SETD1B: variants seen among roughly 807,000 people sequenced by gnomAD.
The protein encoded by SETD1B is SET domain containing 1B, histone lysine methyltransferase.
In SETD1B, 7 loss-of-function variants were observed where a neutral mutation model predicts 148.0. That is an observed-to-expected ratio of 0.05 (90% CI 0.03 to 0.09). The LOEUF (loss-of-function observed/expected upper bound fraction) is 0.09, where lower values mean the gene tolerates loss of function less well. Among genes scored for constraint, SETD1B ranks in the 10% least tolerant of loss-of-function variants. The pLI, the probability that SETD1B is intolerant of heterozygous loss-of-function variation, is 1.00. For synonymous variants in SETD1B, 1,361 were observed against 1,186.5 expected (o/e 1.15, Z -3.02); for missense variants, 2,155 against 2,729.9 (o/e 0.79, Z 4.69).
intron 11 of SETD1B, among the ~76,000 whole-genome samples, chr12:121,822,051 A>G (rs1396044504): frequency 6.6e-6 from 1 of 152,166 alleles, no homozygotes; most frequent in Non-Finnish European, 1.5e-5. Flanking sequence ...ACTGCATTCC[A>G]CCCGTCTCAA....
chr12:121,801,460 T>C (rs1321849015), upstream of SETD1B: 2 of 152,554 alleles, frequency 1.3e-5, no homozygotes, highest in East Asian at 3.9e-4. Flanking sequence ...CCAAATACAA[T>C]GCTCCAGAAT....
rs1170148245 is a variant in SETD1B, at chr12:121,804,712, G to C, written c.-14-12G>C. 1.3e-6 allele frequency: 2 copies of C among 1,546,274 alleles called. No individual in the cohort carries two copies. Among genetic ancestry groups the C allele is most frequent in the Non-Finnish European group, 1.7e-6 (2 of 1,145,788 alleles). On this transcript the variant is annotated splice_polypyrimidine_tract_variant and intron_variant, in intron 1 of 16. Transcript: ENST00000604567. The surrounding 1 kb of genome is among the most constrained non-coding windows in gnomAD (Gnocchi z 4.6). ...GCCGCGGCGGAGACGACAACAACTTGCTGGTTTTCAGGTTGGGTTAACGGC... is the reference window on the plus strand; with the variant it reads ...GCCGCGGCGGAGACGACAACAACTTCCTGGTTTTCAGGTTGGGTTAACGGC...
the SETD1B span, among the ~76,000 whole-genome samples, chr12:121,796,749 CATT>C: frequency 2.0e-5 from 3 of 152,224 alleles, no homozygotes; most frequent in Non-Finnish European, 2.9e-5. Flanking sequence ...CAGCTCAAAA[CATT>C]ATTGTCCGGC....
chr12:121,825,134 G>A, intron 12 of SETD1B, 66 bp from the exon 13 acceptor site: 1 of 1,483,948 alleles, frequency 6.7e-7, no homozygotes, highest in Non-Finnish European at 9.1e-7. Flanking sequence ...GGATGGGCGG[G>A]ACCAGTCTAT....
chr12:121,814,672 C>T lies in SETD1B; in HGVS notation c.2457C>T (p.Gly819=), dbSNP rs895962163. The change falls in exon 7 of 17, where the codon GGC becomes GGT. Residue 819 remains glycine, a synonymous_variant. Transcript: ENST00000604567. ...LQFVNLPPYR[G]PFSLSNSGPG... The stretch of plus-strand genomic sequence containing the variant: ...TTGTCAACCTGCCGCCCTACCGGGG[C>T]CCCTTCTCCCTGAGCAACTCCGGCC... The T allele has an allele frequency of 2.1e-5, 33 of 1,549,778 alleles. 2 individuals are homozygous for T. Among genetic ancestry groups the T allele is most frequent in the Non-Finnish European group, 4.4e-6 (5 of 1,146,758 alleles).
intron 6 of SETD1B, among the ~76,000 whole-genome samples, chr12:121,811,682 C>A (rs1025655545): frequency 1.3e-5 from 2 of 152,156 alleles, no homozygotes; most frequent in Non-Finnish European, 2.9e-5. Flanking sequence ...CATGGGCAGT[C>A]AGGGGCTTAG....
chr12:121,802,002 C>G (rs1279549132), upstream of SETD1B: 10 of 152,250 alleles, frequency 6.6e-5, no homozygotes, highest in East Asian at 9.6e-4. Context: ...GCTTTAGTCT[C>G]TCTACACAAA....
intron 12 of SETD1B, among the ~76,000 whole-genome samples, chr12:121,824,462 C>T (rs1198712433): frequency 6.6e-6 from 1 of 152,182 alleles, no homozygotes; most frequent in Non-Finnish European, 1.5e-5. Context: ...GCCTGGCCAA[C>T]ATGGCAAAAC....
rs762969670 is a variant in SETD1B, at chr12:121,827,868, G to A, written c.5589+14G>A. 4.5e-6 allele frequency: 7 copies of A among 1,554,244 alleles called. No homozygotes were observed. Among genetic ancestry groups the A allele is most frequent in the Non-Finnish European group, 6.1e-6 (7 of 1,148,276 alleles). On this transcript the variant is annotated intron_variant, in intron 15 of 16. Transcript: ENST00000604567. Reference sequence around the variant, plus strand: ...AATATCCGTCAGGTAGGCACCGCCCGGCAGGATGGGCACCGGGGTGGGCAT... The same window carrying A: ...AATATCCGTCAGGTAGGCACCGCCCAGCAGGATGGGCACCGGGGTGGGCAT...
In SETD1B at chr12:121,808,772, A is replaced by C. The variant is rs571214366; in HGVS notation, c.657+452A>C. Among the ~76,000 whole-genome samples, 1 of 152,362 alleles carries C rather than the reference A, an allele frequency of 6.6e-6. No homozygotes were observed. Among genetic ancestry groups the C allele is most frequent in the East Asian group, 1.9e-4 (1 of 5,186 alleles). On this transcript the variant is annotated intron_variant, in intron 5 of 16. Transcript: ENST00000604567. The surrounding 1 kb of genome is among the most constrained non-coding windows in gnomAD (Gnocchi z 5.3). ...GACTCCTTCCAAACCACTGCCTTCCAGGACACAGGGACAACTCTCGCGTGG... is the reference window on the plus strand; with the variant it reads ...GACTCCTTCCAAACCACTGCCTTCCCGGACACAGGGACAACTCTCGCGTGG...
the SETD1B span, among the ~76,000 whole-genome samples, chr12:121,796,843 A>G: frequency 6.6e-6 from 1 of 152,176 alleles, no homozygotes; most frequent in Non-Finnish European, 1.5e-5. Flanking sequence ...GTTTGAGACC[A>G]GCCTGACCAA....
chr12:121,796,219 C>T, the SETD1B span: 2 of 152,682 alleles, frequency 1.3e-5, no homozygotes, highest in Non-Finnish European at 2.9e-5. Context: ...CTGAGTCACT[C>T]CCCCTTCCAG....
intron 13 of SETD1B, among the ~76,000 whole-genome samples, chr12:121,825,999 C>T (rs550088482): frequency 2.6e-5 from 4 of 152,036 alleles, no homozygotes; most frequent in African/African-American, 4.8e-5. Flanking sequence ...TGCTGTGTAC[C>T]GGGCACTGTT....
Position 121,810,878 on chromosome 12 carries a change from A to G in SETD1B, c.1890+43A>G. The G allele has an allele frequency of 1.4e-6, 2 of 1,450,700 alleles. No individual in the cohort carries two copies. Among genetic ancestry groups the G allele is most frequent in the South Asian group, 1.5e-5 (1 of 68,518 alleles). 89.9% of individuals were successfully genotyped at this position (1,450,700 alleles called of 1,614,324 possible). ...CATCTGTCTGGGACTGGTTTTGTCTATCTTGTATCTCCCTTTCCCCCTTCA... is the reference window on the plus strand; with the variant it reads ...CATCTGTCTGGGACTGGTTTTGTCTGTCTTGTATCTCCCTTTCCCCCTTCA... On this transcript the variant is annotated intron_variant, in intron 6 of 16. Coordinates refer to ENST00000604567, the MANE Select transcript of SETD1B (RefSeq NM_001353345.2). This position sits in a 1 kb window ranked among gnomAD's most constrained non-coding sequence, Gnocchi z 7.6.
At chr12:121,815,263 A>G (rs1388290630) in intron 7 of SETD1B, among the ~76,000 whole-genome samples, 1 of 152,200 alleles carries the variant, frequency 6.6e-6, no homozygotes, top group Admixed American at 6.5e-5. Flanking sequence ...CCCATCTCTA[A>G]AAATAAATGT....
chr12:121,813,427 TGA>T (rs1876135953), intron 6 of SETD1B, among the ~76,000 whole-genome samples: 1 of 152,250 alleles, frequency 6.6e-6, no homozygotes, highest in African/African-American at 2.4e-5. Context: ...GCAGGGTGAC[TGA>T]GAGCACAGGC....
chr12:121,805,681 CAA>C lies in SETD1B; in HGVS notation c.274-147_274-146del, dbSNP rs1392021905. Among the ~76,000 whole-genome samples, 1 of 71,960 alleles carries C rather than the reference CAA, an allele frequency of 1.4e-5. No individual in the cohort carries two copies. The highest frequency in any genetic ancestry group is 4.3e-5 in the African/African-American group (1 of 23,134). The allele number at this position is 71,960 out of a possible 152,430, so 47.2% of individuals were successfully genotyped here. On this transcript the variant is annotated intron_variant, in intron 3 of 16. Coordinates refer to ENST00000604567, the MANE Select transcript of SETD1B (RefSeq NM_001353345.2). This position sits in a 1 kb window ranked among gnomAD's most constrained non-coding sequence, Gnocchi z 4.2. ...CCCGCCCGCGTGCATTTTTTTTTTC[CAA>C]AAAAAATTTTTTTTTTTTTTTTAAT...
In SETD1B at chr12:121,828,388, A is replaced by G. The variant is rs115098366; in HGVS notation, c.5727+318A>G. On this transcript the variant is annotated intron_variant, in intron 16 of 16. Coordinates refer to ENST00000604567, the MANE Select transcript of SETD1B (RefSeq NM_001353345.2). Reference sequence around the variant, plus strand: ...GCGTTAGCCTTTTCTCCGTGCCTTCATTGGTCAGGCTCAGTCCTGCTCGGG... The same window carrying G: ...GCGTTAGCCTTTTCTCCGTGCCTTCGTTGGTCAGGCTCAGTCCTGCTCGGG... Among the ~76,000 whole-genome samples the G allele has an allele frequency of 5.3e-3, 806 of 152,292 alleles. 6 individuals are homozygous for G. The highest frequency in any genetic ancestry group is 0.018 in the African/African-American group (740 of 41,560).
In SETD1B at chr12:121,819,873, A is replaced by C. The variant is rs1390646772; in HGVS notation, c.3888A>C (p.Pro1296=). 5 of 1,550,854 alleles carry C rather than the reference A, an allele frequency of 3.2e-6. No individual in the cohort carries two copies. The highest frequency in any genetic ancestry group is 4.4e-6 in the Non-Finnish European group (5 of 1,146,752). ...PPAKEVEARP[P]LSPERAPEHD... ...CCAAGGAGGTGGAGGCTCGACCCCC[A>C]TTGTCCCCTGAGCGAGCTCCAGGTA... Residue 1296 remains proline, a synonymous_variant, in exon 11 of 17, where the codon CCA becomes CCC. Transcript: ENST00000604567.
Sources: allele counts gnomAD v4.1 joint callset (sites outside exome capture counted in the v4.1 genomes callset), GRCh38; gene constraint gnomAD v4.1.1; non-coding constraint Gnocchi (gnomAD v3.1); transcripts MANE v1.5; gene names NCBI Gene and HGNC (gene_info 2026-07-23, HGNC 2026-07-21).